Variants in BEND3 observed in about 807,000 individuals in gnomAD.
The protein encoded by BEND3 is BEN domain-containing protein 3.
In BEND3, 13 loss-of-function variants were observed where a neutral mutation model predicts 60.1. The ratio of observed to expected loss-of-function variants is 0.22; its 90% CI spans 0.14 to 0.34. The LOEUF (loss-of-function observed/expected upper bound fraction) is 0.34, where lower values mean the gene tolerates loss of function less well. Among genes scored for constraint, BEND3 ranks in the 10% least tolerant of loss-of-function variants. The probability of loss-of-function intolerance (pLI) is 1.00; values close to 1 mark genes in which losing one functional copy is unlikely to be tolerated. For missense variants in BEND3, 896 were observed against 1,138.1 expected (o/e 0.79, Z 3.06); for synonymous variants, 497 against 491.5 (o/e 1.01, Z -0.15).
chr6:107,070,115 T>C lies in BEND3; in HGVS notation c.1076A>G (p.Glu359Gly), dbSNP rs1774936746. 3.7e-6 allele frequency: 6 copies of C among 1,613,168 alleles called. No homozygotes were observed. Among genetic ancestry groups the C allele is most frequent in the Non-Finnish European group, 5.1e-6 (6 of 1,180,020 alleles). The change falls in exon 4 of 4, where the codon GAG (glutamate) becomes GGG (glycine). Residue 359 changes from glutamate (E) to glycine (G), a missense_variant. Physicochemically the swap from Glu to Gly is moderately conservative, Grantham distance 98 (BLOSUM62 -2). Around this residue, in one of 4 missense-constraint regions of BEND3, gnomAD observed 846 missense variants for 1,036.7 expected, o/e 0.82. Transcript: ENST00000369042. The surrounding 1 kb of genome is among the most constrained non-coding windows in gnomAD (Gnocchi z 6.9). ...GTGGCCGGGGTCCACCTGCTCTGCC[T>C]CAAAGAAGCTGGCGACCTGGCCGCT... ...QPSGQVASFF[E>G]AEQVDPGHFL...
At chr6:107,074,140 G>A (rs188836914) in intron 3 of BEND3, among the ~76,000 whole-genome samples, 279 of 152,308 alleles carry the variant, frequency 1.8e-3, no homozygotes, top group Non-Finnish European at 2.8e-3. Context: ...TTATGGCCGG[G>A]TGCGGTGGCT....
At chr6:107,075,102 G>A (rs1307910890) in intron 3 of BEND3, among the ~76,000 whole-genome samples, 8 of 151,746 alleles carry the variant, frequency 5.3e-5, no homozygotes, top group Non-Finnish European at 1.2e-4. Flanking sequence ...AAAAGAAGAG[G>A]GAAGGATTAG....
rs1256520812 is a variant in BEND3 at position 107,068,587 on chromosome 6, G to A, written c.*117C>T. The A allele has an allele frequency of 8.8e-6, 10 of 1,140,450 alleles. No homozygotes were observed. The highest frequency in any genetic ancestry group is 5.3e-5 in the Admixed American group (2 of 37,824). The allele number at this position is 1,140,450 out of a possible 1,614,324, so 70.6% of individuals were successfully genotyped here. A position where few individuals can be genotyped will look rare whatever the true frequency, so the allele number is the denominator to read the frequency against. The stretch of plus-strand genomic sequence containing the variant: ...GCAAATGTAGTAAGCCACTCCCCAC[G>A]GACATAAGGTGCCTGTCTGTGGATG... On this transcript the variant is annotated 3_prime_UTR_variant, in exon 4 of 4. Coordinates refer to ENST00000369042, the MANE Select transcript of BEND3 (RefSeq NM_001367314.1). The surrounding 1 kb of genome is among the most constrained non-coding windows in gnomAD (Gnocchi z 5.8).
intron 3 of BEND3, among the ~76,000 whole-genome samples, chr6:107,094,781 G>A (rs1775549843): frequency 6.7e-6 from 1 of 150,130 alleles, no homozygotes; most frequent in African/African-American, 2.4e-5. Flanking sequence ...CTTGAGCCCA[G>A]GAGTTTGAGA....
intron 3 of BEND3, among the ~76,000 whole-genome samples, chr6:107,074,237 G>A (rs1318948109): frequency 6.6e-6 from 1 of 152,126 alleles, no homozygotes; most frequent in African/African-American, 2.4e-5. Context: ...CCAACACGGT[G>A]AAACCCCATC....
At chr6:107,103,897 G>A (rs1294404127) in intron 1 of BEND3, among the ~76,000 whole-genome samples, 4 of 149,120 alleles carry the variant, frequency 2.7e-5, no homozygotes, top group Non-Finnish European at 3.0e-5. Context: ...GTGAGGAGCC[G>A]AGATCGCGCC....
intron 3 of BEND3, among the ~76,000 whole-genome samples, chr6:107,074,807 G>A (rs546085169): frequency 3.9e-5 from 6 of 152,070 alleles, no homozygotes; most frequent in Admixed American, 1.3e-4. Context: ...TTGGTGGATC[G>A]TGAAGAGGGA....
intron 3 of BEND3, among the ~76,000 whole-genome samples, chr6:107,095,252 T>G (rs1775560403): frequency 6.6e-6 from 1 of 152,058 alleles, no homozygotes; most frequent in Non-Finnish European, 1.5e-5. Context: ...TTTGGGAGGC[T>G]GAGGCAAGAG....
chr6:107,104,161 G>A (rs1464780636), intron 1 of BEND3, among the ~76,000 whole-genome samples: 1 of 151,556 alleles, frequency 6.6e-6, no homozygotes, highest in African/African-American at 2.4e-5. Context: ...GTGGTGGCGG[G>A]CGCCCATAGT....
In BEND3 at chr6:107,065,908, G is replaced by T. The variant is rs1351332690; in HGVS notation, c.*2796C>A. 5 of 152,342 alleles carry T rather than the reference G, an allele frequency of 3.3e-5. No individual in the cohort carries two copies. Among genetic ancestry groups the T allele is most frequent in the Non-Finnish European group, 7.3e-5 (5 of 68,028 alleles). 9.4% of individuals were successfully genotyped at this position (152,342 alleles called of 1,614,324 possible). ...CTTTATTCCCTGTCAAACATTTGTT[G>T]TCCTGTAGACACAGCCAAGGTGAAC... On this transcript the variant is annotated 3_prime_UTR_variant, in exon 4 of 4. Transcript: ENST00000369042.
At position 107,082,718 on chromosome 6, in the gene BEND3, C is replaced by T. The variant is rs185492543; in HGVS notation, c.241-11768G>A. 1.6e-4 allele frequency among the ~76,000 whole-genome samples: 25 copies of T among 152,284 alleles called. No homozygotes were observed. The East Asian group carries it at 4.1e-3, about 25-fold the overall frequency. ...TGCTGGGATTACAGGCGTGAGCAAC[C>T]GCGCCCAGCCTAGTGGTTGCTTTAA... On this transcript the variant is annotated intron_variant, in intron 3 of 3. Transcript: ENST00000369042.
At position 107,066,649 on chromosome 6, in the gene BEND3, G is replaced by A. The variant is rs191301437; in HGVS notation, c.*2055C>T. ...GGGCAATTCATGGCTTGGAGTCCTCGTTTACATCCTAGAAACCAGAACAAA... is the reference window on the plus strand; with the variant it reads ...GGGCAATTCATGGCTTGGAGTCCTCATTTACATCCTAGAAACCAGAACAAA... On this transcript the variant is annotated 3_prime_UTR_variant, in exon 4 of 4. Coordinates refer to ENST00000369042, the MANE Select transcript of BEND3 (RefSeq NM_001367314.1). 3.9e-5 allele frequency: 6 copies of A among 152,602 alleles called. No homozygotes were observed. The highest frequency in any genetic ancestry group is 3.9e-4 in the East Asian group (2 of 5,190). The allele number at this position is 152,602 out of a possible 1,614,324, so 9.5% of individuals were successfully genotyped here.
intron 3 of BEND3, among the ~76,000 whole-genome samples, chr6:107,091,665 C>G (rs1775477405): frequency 6.6e-6 from 1 of 152,106 alleles, no homozygotes; most frequent in Non-Finnish European, 1.5e-5. Context: ...TAACTAATAG[C>G]CTTCCAAAAC....
Position 107,070,753 on chromosome 6 carries a change from C to A in BEND3, c.438G>T (p.Ser146=), listed in dbSNP as rs201875601. The A allele has an allele frequency of 1.2e-6, 2 of 1,614,054 alleles. No homozygotes were observed. The highest frequency in any genetic ancestry group is 2.2e-5 in the East Asian group (1 of 44,870). ...GCTCGTACACGTTTAGCAGGTCCCC[C>A]GAGGGAGGATTCTTCTTCTCCATGA... ...HKIMEKKNPP[S]GDLLNVYELF... The change falls in exon 4 of 4, where the codon TCG becomes TCT. Residue 146 remains serine, a synonymous_variant. Transcript: ENST00000369042. The surrounding 1 kb of genome is among the most constrained non-coding windows in gnomAD (Gnocchi z 6.9).
intron 3 of BEND3, among the ~76,000 whole-genome samples, chr6:107,086,078 C>T (rs922830490): frequency 1.1e-4 from 17 of 152,300 alleles, no homozygotes; most frequent in African/African-American, 3.6e-4. Context: ...TGAGCCACCG[C>T]GCCTGGCCGC....
chr6:107,078,556 G>A (rs1554233047), intron 3 of BEND3, among the ~76,000 whole-genome samples: 23 of 145,340 alleles, frequency 1.6e-4, no homozygotes, highest in East Asian at 4.1e-4. Flanking sequence ...CTGGGTTCAT[G>A]CCATTCTCCT....
chr6:107,073,317 C>T (rs1428075170), intron 3 of BEND3, among the ~76,000 whole-genome samples: 1 of 143,972 alleles, frequency 6.9e-6, no homozygotes, highest in Non-Finnish European at 1.5e-5. Flanking sequence ...CCACTCCCCA[C>T]CCCTCCCCTC....
At chr6:107,109,801 GAGGC>G (rs1468443086) in intron 1 of BEND3, among the ~76,000 whole-genome samples, 2 of 152,238 alleles carry the variant, frequency 1.3e-5, no homozygotes, top group East Asian at 3.9e-4. Context: ...TTGAACCTGG[GAGGC>G]GGTGGTTGCA....
intron 3 of BEND3, among the ~76,000 whole-genome samples, chr6:107,080,354 C>CAAAAAAAAA (rs11402351): frequency 2.6e-3 from 218 of 83,048 alleles, no homozygotes; most frequent in African/African-American, 5.8e-3. Context: ...GATCCCATCT[C>CAAAAAAAAA]AAAAAAAAAA....
Sources: gnomAD v4.1 joint callset for allele counts (sites outside exome capture counted in the v4.1 genomes callset) on GRCh38, gnomAD v4.1.1 for gene constraint, gnomAD v4.1.1 regional missense constraint, Gnocchi (gnomAD v3.1) non-coding constraint, MANE v1.5 for transcripts, NCBI Gene and HGNC (gene_info 2026-07-23, HGNC 2026-07-21) for gene names.